The following BIRC6 variants were observed in gnomAD, a reference collection of about 807,000 sequenced individuals.
BIRC6 encodes dual E2 ubiquitin-conjugating enzyme/E3 ubiquitin-protein ligase BIRC6.
A neutral mutation model predicts 503.3 loss-of-function variants in BIRC6; 98 were observed. The ratio of observed to expected loss-of-function variants is 0.19; its 90% CI spans 0.17 to 0.23. BIRC6 has a LOEUF of 0.23. BIRC6 is among the 10% of genes least tolerant of loss of function. BIRC6 has a pLI of 1.00. For missense variants in BIRC6, 5,360 were observed against 5,806.0 expected, an observed-to-expected ratio of 0.92 and a Z score of 2.50; for synonymous variants, 2,240 against 2,078.7, an observed-to-expected ratio of 1.08 and a Z score of -2.11.
At chr2:32,454,023 T>A in intron 23 of BIRC6, 81 bp downstream of exon 23, 2 of 1,142,006 alleles carry the variant, frequency 1.8e-6, no homozygotes, top group Non-Finnish European at 2.4e-6. Context: ...AAACATTATT[T>A]CTAATTATGT....
rs142464730 is a variant in BIRC6, at chr2:32,512,845, T to G, written c.10347-88T>G. 361 of 952,520 alleles carry G rather than the reference T, an allele frequency of 3.8e-4. 2 individuals carry two copies. In the East Asian group the frequency reaches 8.8e-3, roughly 23 times the overall value. 59.0% of individuals were successfully genotyped at this position (952,520 alleles called of 1,614,324 possible). A position where few individuals can be genotyped will look rare whatever the true frequency, so the allele number is the denominator to read the frequency against. Reference sequence around the variant, plus strand: ...TAGTGCATTATTCTCATAAATACCCTACTCACCATGCAGAGATGGTATTTA... The same window carrying G: ...TAGTGCATTATTCTCATAAATACCCGACTCACCATGCAGAGATGGTATTTA... On this transcript the variant is annotated intron_variant, in intron 53 of 73. Transcript: ENST00000421745.
At chr2:32,443,625 CAT>C (rs2045651955) in intron 20 of BIRC6, 37 bp downstream of exon 20, 3 of 1,401,512 alleles carry the variant, frequency 2.1e-6, no homozygotes, top group South Asian at 2.5e-5. Flanking sequence ...TAGTTATAGT[CAT>C]ATGGAACATC....
rs1452690741 is a variant in BIRC6 at position 32,435,492 on chromosome 2, C to T, written c.3410-4C>T. On this transcript the variant is annotated splice_region_variant and splice_polypyrimidine_tract_variant and intron_variant, in intron 13 of 73. Coordinates refer to ENST00000421745, the MANE Select transcript of BIRC6 (RefSeq NM_016252.4). ...TAGGCAGATCACCTTTCCTTTGTCT[C>T]CAGCTCTTAACATTGAAGTGGAACA... 1.3e-6 allele frequency: 2 copies of T among 1,550,566 alleles called. No homozygotes were observed. The highest frequency in any genetic ancestry group is 2.0e-5 in the Admixed American group (1 of 50,396).
chr2:32,448,872 A>G lies in BIRC6; in HGVS notation c.4562A>G (p.Tyr1521Cys). The change falls in exon 22 of 74, where the codon TAT (tyrosine) becomes TGT (cysteine). Residue 1521 changes from tyrosine (Y) to cysteine (C), a missense_variant. Transcript: ENST00000421745. ...EMSGSSCKNV[Y>C]NSSIGVQSDE... ...AGTGGCTCTTCTTGTAAAAATGTTTATAACAGCAGCATTGGTGTCCAGTCA... is the reference window on the plus strand; with the variant it reads ...AGTGGCTCTTCTTGTAAAAATGTTTGTAACAGCAGCATTGGTGTCCAGTCA... 5 of 1,613,688 alleles carry G rather than the reference A, an allele frequency of 3.1e-6. No homozygotes were observed. Among genetic ancestry groups the G allele is most frequent in the African/African-American group, 1.3e-5 (1 of 75,050 alleles).
intron 1 of BIRC6, among the ~76,000 whole-genome samples, chr2:32,362,650 C>G (rs1286553884): frequency 6.6e-6 from 1 of 152,090 alleles, no homozygotes; most frequent in Non-Finnish European, 1.5e-5. Flanking sequence ...AAAAGCTACA[C>G]ACCACTTGAC....
intron 23 of BIRC6, among the ~76,000 whole-genome samples, chr2:32,458,187 CT>C (rs1363623505): frequency 1.3e-5 from 2 of 152,106 alleles, no homozygotes; most frequent in Admixed American, 1.3e-4. Context: ...ATTTCTCAAA[CT>C]TTCTGAGATT....
At chr2:32,549,586 C>T in intron 65 of BIRC6, 105 bp downstream of exon 65, 1 of 1,052,024 alleles carries the variant, frequency 9.5e-7, no homozygotes, top group East Asian at 2.9e-5. Context: ...GATTTATTTC[C>T]TAAAAAGTAT....
intron 62 of BIRC6, among the ~76,000 whole-genome samples, chr2:32,544,864 T>C (rs2057944759): frequency 6.6e-6 from 1 of 152,040 alleles, no homozygotes; most frequent in African/African-American, 2.4e-5. Flanking sequence ...TTCTAATTAC[T>C]TGATCTGATT....
At chr2:32,447,706 A>ACC (rs202066830) in intron 21 of BIRC6, among the ~76,000 whole-genome samples, 2 of 49,438 alleles carry the variant, frequency 4.0e-5, no homozygotes, top group African/African-American at 1.8e-4. Context: ...CGGGGGGCTG[A>ACC]CCCCCCCCAC....
intron 37 of BIRC6, among the ~76,000 whole-genome samples, 178 bp from the exon 38 acceptor site, chr2:32,481,142 A>G (rs2050357222): frequency 6.6e-6 from 1 of 152,182 alleles, no homozygotes; most frequent in African/African-American, 2.4e-5. Flanking sequence ...GAAAGCAAAT[A>G]TCAATGAATC....
chr2:32,542,989 G>A (rs963024827), intron 61 of BIRC6, among the ~76,000 whole-genome samples: 1 of 150,822 alleles, frequency 6.6e-6, no homozygotes, highest in South Asian at 2.1e-4. Context: ...TAGTAGAGAC[G>A]GTGTTTCACC....
chr2:32,373,318 T>G (rs1041291713), intron 1 of BIRC6, among the ~76,000 whole-genome samples: 2 of 152,148 alleles, frequency 1.3e-5, no homozygotes, highest in African/African-American at 4.8e-5. Context: ...GTTGGAAGAT[T>G]AACACTTGAT....
At chr2:32,400,226 A>T (rs927967592) in intron 6 of BIRC6, among the ~76,000 whole-genome samples, 1 of 151,790 alleles carries the variant, frequency 6.6e-6, no homozygotes, top group African/African-American at 2.4e-5. Context: ...AATAAATTTT[A>T]TTTAAAAGTT....
chr2:32,470,151 G>GTTTGT lies in BIRC6; in HGVS notation c.6348-8_6348-4dup. 8.2e-6 allele frequency: 12 copies of GTTTGT among 1,462,154 alleles called. No individual in the cohort carries two copies. The highest frequency in any genetic ancestry group is 1.1e-5 in the Non-Finnish European group (12 of 1,105,500). The allele number at this position is 1,462,154 out of a possible 1,614,324, so 90.6% of individuals were successfully genotyped here. On this transcript the variant is annotated splice_polypyrimidine_tract_variant and intron_variant, in intron 30 of 73. Transcript: ENST00000421745. ...ATTGATTCTTATTCTTTTCTTTTTTGTTTGTTTTGTTTTTAGGGTCTTCAT... is the reference window on the plus strand; with the variant it reads ...ATTGATTCTTATTCTTTTCTTTTTTGTTTGTTTTGTTTTGTTTTTAGGGTCTTCAT...
chr2:32,445,760 AAC>A (rs1332486302), intron 21 of BIRC6, 92 bp downstream of exon 21: 20 of 944,704 alleles, frequency 2.1e-5, no homozygotes, highest in Non-Finnish European at 2.7e-5. Context: ...ATATGCTGAT[AAC>A]AGTCTTTTTC....
In BIRC6 at chr2:32,432,760, G is replaced by A. The variant is rs374021504; in HGVS notation, c.3249-884G>A. On this transcript the variant is annotated intron_variant, in intron 12 of 73. Transcript: ENST00000421745. Reference sequence around the variant, plus strand: ...GGGTGACAGAGTGAGACCCCATTTCGGAAAAAAAAAAAAAAAACTTTCATG... The same window carrying A: ...GGGTGACAGAGTGAGACCCCATTTCAGAAAAAAAAAAAAAAAACTTTCATG... 3.3e-3 allele frequency among the ~76,000 whole-genome samples: 471 copies of A among 144,274 alleles called. 6 individuals are homozygous for A. Among genetic ancestry groups the A allele is most frequent in the Non-Finnish European group, 5.9e-3 (392 of 66,132 alleles). The allele number at this position is 144,274 out of a possible 152,430, so 94.6% of individuals were successfully genotyped here.
In BIRC6 at chr2:32,490,085, A is replaced by G; in HGVS notation, c.8140A>G (p.Thr2714Ala). 6.2e-7 allele frequency: 1 copy of G among 1,613,626 alleles called. No homozygotes were observed. Among genetic ancestry groups the G allele is most frequent in the Non-Finnish European group, 8.5e-7 (1 of 1,179,584 alleles). The change falls in exon 43 of 74, where the codon ACT becomes GCT. Residue 2714 changes from threonine (T) to alanine (A), a missense_variant. Around this residue, in one of 16 missense-constraint regions of BIRC6, gnomAD observed 2,299 missense variants for 2,267.2 expected, o/e 1.01. Transcript: ENST00000421745. Reference protein sequence around the residue: ...FLTVLAWYPNTLLRTWCLVLH... With the variant: ...FLTVLAWYPNALLRTWCLVLH... Reference sequence around the variant, plus strand: ...CACAGTGTTAGCTTGGTATCCCAATACTTTGCTCCGGACATGGTGCCTTGT... The same window carrying G: ...CACAGTGTTAGCTTGGTATCCCAATGCTTTGCTCCGGACATGGTGCCTTGT...
chr2:32,459,994 T>C (rs183743518), intron 23 of BIRC6, among the ~76,000 whole-genome samples: 20 of 150,776 alleles, frequency 1.3e-4, no homozygotes, highest in Admixed American at 1.2e-3. Flanking sequence ...GTTGCAATCA[T>C]GTTGTCTATT....
chr2:32,414,865 C>G lies in BIRC6; in HGVS notation c.1574C>G (p.Ala525Gly), dbSNP rs2042247301. ...QPEKLQWEIV[A>G]NVLEDTVKDL... is the part of the protein sequence containing the mutation. ...GAAAAACTTCAGTGGGAGATTGTTGCAAATGTGCTTGAAGATACTGTTAAG... is the reference window on the plus strand; with the variant it reads ...GAAAAACTTCAGTGGGAGATTGTTGGAAATGTGCTTGAAGATACTGTTAAG... The change falls in exon 10 of 74, where the codon GCA (alanine) becomes GGA (glycine). Residue 525 changes from alanine to glycine, a missense_variant. Ala to Gly is a moderately conservative substitution (Grantham distance 60). Around this residue, in one of 16 missense-constraint regions of BIRC6, gnomAD observed 700 missense variants for 739.3 expected, o/e 0.95. Transcript: ENST00000421745. The G allele has an allele frequency of 6.2e-7, 1 of 1,613,780 alleles. No homozygotes were observed. Among genetic ancestry groups the G allele is most frequent in the Non-Finnish European group, 8.5e-7 (1 of 1,179,880 alleles).
Sources: gnomAD v4.1 joint callset for allele counts (sites outside exome capture counted in the v4.1 genomes callset) on GRCh38, gnomAD v4.1.1 for gene constraint, gnomAD v4.1.1 regional missense constraint, MANE v1.5 for transcripts, NCBI Gene and HGNC (gene_info 2026-07-23, HGNC 2026-07-21) for gene names.